TRPM8: variants seen among roughly 807,000 people sequenced by gnomAD.
TRPM8 encodes transient receptor potential cation channel subfamily M member 8.
A neutral mutation model predicts 133.7 loss-of-function variants in TRPM8; 110 were observed. The observed-to-expected ratio is 0.82, with a 90% CI of 0.70 to 0.96. The LOEUF is 0.96. TRPM8 is among the 40% of genes least tolerant of loss of function. TRPM8 has a pLI of 0.00. For missense variants in TRPM8, 1,291 were observed against 1,379.5 expected (o/e 0.94, Z 1.02); for synonymous variants, 535 against 532.3 (o/e 1.01, Z -0.07).
Position 233,989,928 on chromosome 2 carries a change from G to A in TRPM8, c.2939+4063G>A, listed in dbSNP as rs551668790. ...CCTGAAGATAAGTTCACCCCAGGCAGTTCTGAAAAGGACTCGTCAAACATG... is the reference window on the plus strand; with the variant it reads ...CCTGAAGATAAGTTCACCCCAGGCAATTCTGAAAAGGACTCGTCAAACATG... On this transcript the variant is annotated intron_variant, in intron 21 of 25. Coordinates refer to ENST00000324695, the MANE Select transcript of TRPM8 (RefSeq NM_024080.5). The surrounding 1 kb of genome is among the most constrained non-coding windows in gnomAD (Gnocchi z 4.2). Among the ~76,000 whole-genome samples, 13 of 152,346 alleles carry A rather than the reference G, an allele frequency of 8.5e-5. No individual in the cohort carries two copies. Among genetic ancestry groups the A allele is most frequent in the Admixed American group, 5.2e-4 (8 of 15,304 alleles).
intron 21 of TRPM8, 111 bp from the exon 22 acceptor site, chr2:233,996,215 C>A: frequency 1.1e-6 from 1 of 947,698 alleles, no homozygotes; most frequent in Non-Finnish European, 1.6e-6. Context: ...TCTCTCCTGT[C>A]TGTACTTAAG....
rs1343318263 is a variant in TRPM8, at chr2:233,959,873, C to CA, written c.1363-903_1363-902insA. 2.0e-5 allele frequency among the ~76,000 whole-genome samples: 3 copies of CA among 151,980 alleles called. No individual in the cohort carries two copies. The East Asian group carries it at 5.8e-4, about 30-fold the overall frequency. The stretch of plus-strand genomic sequence containing the variant: ...CTTGGCTCACTGCAACTTCTGCCTC[C>CA]TGGGTTCAAGTGATTCTCGTGCCTC... On this transcript the variant is annotated intron_variant, in intron 11 of 25. Transcript: ENST00000324695.
At chr2:233,944,053 G>C (rs1165653022) in intron 6 of TRPM8, among the ~76,000 whole-genome samples, 1 of 152,046 alleles carries the variant, frequency 6.6e-6, no homozygotes, top group Non-Finnish European at 1.5e-5. Flanking sequence ...GTTGGGGTTG[G>C]AGTAACCATT....
chr2:233,955,123 C>T lies in TRPM8; in HGVS notation c.1244-9C>T. 1 of 1,607,492 alleles carries T rather than the reference C, an allele frequency of 6.2e-7. No individual in the cohort carries two copies. The highest frequency in any genetic ancestry group is 8.5e-7 in the Non-Finnish European group (1 of 1,174,490). On this transcript the variant is annotated splice_polypyrimidine_tract_variant and intron_variant, in intron 10 of 25. Transcript: ENST00000324695. ...TTGGTGAGTTGAGTCTTTTCCTGCC[C>T]TCTCACAGCCTTCAGCACCAGTGAG...
intron 17 of TRPM8, among the ~76,000 whole-genome samples, chr2:233,978,222 TGTGTG>T (rs1691918697): frequency 2.0e-5 from 3 of 151,968 alleles, no homozygotes; most frequent in Non-Finnish European, 4.4e-5. Flanking sequence ...TGTGTGTGTG[TGTGTG>T]TGTGTGTACT....
chr2:233,943,265 C>T (rs1325881540), intron 6 of TRPM8, among the ~76,000 whole-genome samples: 1 of 152,036 alleles, frequency 6.6e-6, no homozygotes, highest in Non-Finnish European at 1.5e-5. Flanking sequence ...CCCCACTCCC[C>T]CCACTCCCCA....
At chr2:233,945,803 T>C (rs879513023) in intron 6 of TRPM8, 53 bp from the exon 7 acceptor site, 5 of 1,479,312 alleles carry the variant, frequency 3.4e-6, no homozygotes, top group Non-Finnish European at 4.7e-6. Context: ...AATATCATCA[T>C]GTATCTTGAC....
intron 25 of TRPM8, 46 bp from the exon 26 acceptor site, chr2:234,017,253 G>A: frequency 2.1e-6 from 1 of 467,664 alleles, no homozygotes. Context: ...GAGAATGGAA[G>A]TGGGAAATCT....
At chr2:233,942,031 A>G (rs939230933) in intron 5 of TRPM8, among the ~76,000 whole-genome samples, 4 of 150,208 alleles carry the variant, frequency 2.7e-5, no homozygotes, top group Non-Finnish European at 5.9e-5. Flanking sequence ...CCCACCTCCC[A>G]GAGAGCCTGA....
rs545057403 is a variant in TRPM8, at chr2:233,929,252, A to T, written c.118-1416A>T. ...TGAGGCTTGGTGGGTGAAGGTAAACATCCCTCTTTCATGGGGTCTGGGTTT... is the reference window on the plus strand; with the variant it reads ...TGAGGCTTGGTGGGTGAAGGTAAACTTCCCTCTTTCATGGGGTCTGGGTTT... On this transcript the variant is annotated intron_variant, in intron 2 of 25. Coordinates refer to ENST00000324695, the MANE Select transcript of TRPM8 (RefSeq NM_024080.5). Among the ~76,000 whole-genome samples, 10 of 152,282 alleles carry T rather than the reference A, an allele frequency of 6.6e-5. No homozygotes were observed. In the South Asian group the frequency reaches 2.1e-3, roughly 32 times the overall value.
chr2:233,970,122 T>G (rs376312992), intron 16 of TRPM8, 88 bp from the exon 17 acceptor site: 1 of 1,199,934 alleles, frequency 8.3e-7, no homozygotes, highest in African/African-American at 1.5e-5. Flanking sequence ...GCTATGGGTC[T>G]GTATTTATCT....
At chr2:233,930,127 T>G (rs1691650980) in intron 2 of TRPM8, among the ~76,000 whole-genome samples, 1 of 152,236 alleles carries the variant, frequency 6.6e-6, no homozygotes. Context: ...TTAAAGGAGT[T>G]TTTCCTTTGT....
intron 11 of TRPM8, among the ~76,000 whole-genome samples, chr2:233,959,664 T>C (rs1029850490): frequency 2.6e-5 from 4 of 152,176 alleles, no homozygotes; most frequent in Non-Finnish European, 5.9e-5. Context: ...TTTGATGAAC[T>C]TTCTAATTTT....
chr2:234,004,168 C>T (rs908168322), intron 22 of TRPM8, among the ~76,000 whole-genome samples: 1 of 152,118 alleles, frequency 6.6e-6, no homozygotes, highest in South Asian at 2.1e-4. Flanking sequence ...CTCATAATAA[C>T]CAGAGAAATG....
intron 8 of TRPM8, among the ~76,000 whole-genome samples, chr2:233,949,644 G>A (rs1277889235): frequency 6.6e-6 from 1 of 152,162 alleles, no homozygotes; most frequent in Non-Finnish European, 1.5e-5. Context: ...TCAGTACTTG[G>A]AATGATCAAT....
chr2:233,946,420 A>G (rs1691044502), intron 7 of TRPM8: 2 of 169,536 alleles, frequency 1.2e-5, no homozygotes, highest in South Asian at 3.3e-4. Flanking sequence ...TAGTTTAACA[A>G]TGGTATGGTT....
chr2:234,018,039 A>G lies in TRPM8; in HGVS notation c.*783A>G, dbSNP rs200024662. 2.0e-5 allele frequency: 3 copies of G among 151,638 alleles called. No homozygotes were observed. The South Asian group carries it at 6.2e-4, about 32-fold the overall frequency. 9.4% of individuals were successfully genotyped at this position (151,638 alleles called of 1,614,324 possible). A position where few individuals can be genotyped will look rare whatever the true frequency, so the allele number is the denominator to read the frequency against. ...CTATTATAGAAAATTTAGACCATAC[A>G]GAGATGTAGAAAGAACATAAATTGT... On this transcript the variant is annotated 3_prime_UTR_variant, in exon 26 of 26. Transcript: ENST00000324695.
chr2:233,985,786 T>G lies in TRPM8; in HGVS notation c.2860T>G (p.Trp954Gly), dbSNP rs539858813. The change falls in exon 21 of 26, where the codon TGG becomes GGG. Residue 954 changes from tryptophan to glycine, a missense_variant. By Grantham distance (184) the Trp-to-Gly change is radical. Around this residue, in one of 2 missense-constraint regions of TRPM8, gnomAD observed 328 missense variants for 410.6 expected, o/e 0.80. Coordinates refer to ENST00000324695, the MANE Select transcript of TRPM8 (RefSeq NM_024080.5). The part of the protein sequence containing the change: ...DEHNLPRFPE[W>G]ITIPLVCIYM... ...GCACAACCTGCCCCGGTTCCCCGAGTGGATCACCATCCCCCTGGTGTGCAT... is the reference window on the plus strand; with the variant it reads ...GCACAACCTGCCCCGGTTCCCCGAGGGGATCACCATCCCCCTGGTGTGCAT... 1.2e-6 allele frequency: 2 copies of G among 1,613,996 alleles called. No homozygotes were observed. Among genetic ancestry groups the G allele is most frequent in the African/African-American group, 1.3e-5 (1 of 74,888 alleles).
At chr2:233,937,176 G>A (rs546989731) in intron 3 of TRPM8, 177 bp from the exon 4 acceptor site, 21 of 707,520 alleles carry the variant, frequency 3.0e-5, no homozygotes, top group African/African-American at 1.6e-4. Context: ...GATTACAGGC[G>A]TGAGCCACCG....
Sources: gnomAD v4.1 joint callset for allele counts (sites outside exome capture counted in the v4.1 genomes callset) on GRCh38, gnomAD v4.1.1 for gene constraint, gnomAD v4.1.1 regional missense constraint, Gnocchi (gnomAD v3.1) non-coding constraint, MANE v1.5 for transcripts, NCBI Gene and HGNC (gene_info 2026-07-23, HGNC 2026-07-21) for gene names.